Variants in MRPL1 observed in about 807,000 individuals in gnomAD.
MRPL1 encodes the protein large ribosomal subunit protein uL1m.
MRPL1 carries 28 observed loss-of-function variants against 38.0 expected under a neutral mutation model. The observed-to-expected ratio is 0.74, with a 90% CI of 0.55 to 1.01. MRPL1 has a LOEUF of 1.01. MRPL1 is among the 50% of genes least tolerant of loss of function. The pLI, the probability that MRPL1 is intolerant of heterozygous loss-of-function variation, is 0.00. For missense variants in MRPL1, 358 were observed against 389.8 expected (o/e 0.92, Z 0.69); for synonymous variants, 123 against 126.7 (o/e 0.97, Z 0.20).
Position 77,888,535 on chromosome 4 carries a change from AC to A in MRPL1, c.558+1245del, listed in dbSNP as rs1478836714. On this transcript the variant is annotated intron_variant, in intron 5 of 8. Coordinates refer to ENST00000315567, the MANE Select transcript of MRPL1 (RefSeq NM_020236.4). ...ATAAATAAATAAAATAAATAAACAA[AC>A]AAATAAATAAGAAAATAACAGAGCT... Among the ~76,000 whole-genome samples the A allele has an allele frequency of 1.6e-4, 24 of 152,188 alleles. No individual in the cohort carries two copies. The Middle Eastern group carries it at 0.01, about 65-fold the overall frequency.
chr4:77,950,747 G>A (rs1737389784), intron 8 of MRPL1, among the ~76,000 whole-genome samples: 1 of 152,170 alleles, frequency 6.6e-6, no homozygotes, highest in Non-Finnish European at 1.5e-5. Context: ...TTCAGTACAG[G>A]ATCCTCTTGA....
intron 2 of MRPL1, among the ~76,000 whole-genome samples, chr4:77,882,293 CTA>C (rs771346332): frequency 3.3e-5 from 5 of 152,160 alleles, no homozygotes; most frequent in African/African-American, 7.2e-5. Context: ...CTGGCTAACT[CTA>C]TTATTTTTTA....
chr4:77,950,836 CT>C, intron 8 of MRPL1, among the ~76,000 whole-genome samples: 1 of 152,098 alleles, frequency 6.6e-6, no homozygotes, highest in South Asian at 2.1e-4. Flanking sequence ...TATGAAGCCC[CT>C]TAGCATGTTT....
chr4:77,944,593 T>C (rs146163258), intron 7 of MRPL1, among the ~76,000 whole-genome samples: 2 of 152,362 alleles, frequency 1.3e-5, no homozygotes, highest in African/African-American at 4.8e-5. Context: ...TTCGTCTTCC[T>C]GTTCCTGGTT....
At chr4:77,880,126 C>T (rs1173622257) in intron 2 of MRPL1, among the ~76,000 whole-genome samples, 1 of 152,194 alleles carries the variant, frequency 6.6e-6, no homozygotes, top group Non-Finnish European at 1.5e-5. Context: ...AACTTTGAGG[C>T]TTAAAACTAT....
intron 7 of MRPL1, among the ~76,000 whole-genome samples, chr4:77,940,842 C>T (rs548706384): frequency 6.6e-6 from 1 of 152,212 alleles, no homozygotes; most frequent in East Asian, 1.9e-4. Context: ...TGTGGTGTAT[C>T]ACATTTATTA....
At position 77,929,812 on chromosome 4, in the gene MRPL1, T is replaced by C. The variant is rs373262626; in HGVS notation, c.778-19985T>C. 2.0e-4 allele frequency among the ~76,000 whole-genome samples: 30 copies of C among 151,940 alleles called. 3 individuals carry two copies. The highest frequency in any genetic ancestry group is 1.5e-3 in the East Asian group (8 of 5,176). On this transcript the variant is annotated intron_variant, in intron 7 of 8. Transcript: ENST00000315567. ...AATAATATGGAACAGAAAGCATAAGTTGCCCTTAAAGTCTAAAATGTTTAC... is the reference window on the plus strand; with the variant it reads ...AATAATATGGAACAGAAAGCATAAGCTGCCCTTAAAGTCTAAAATGTTTAC...
chr4:77,871,007 T>C (rs1553903888), intron 1 of MRPL1, among the ~76,000 whole-genome samples: 1 of 152,104 alleles, frequency 6.6e-6, no homozygotes, highest in Non-Finnish European at 1.5e-5. Flanking sequence ...AACAAATAAA[T>C]TAAGAAATTT....
In MRPL1 at chr4:77,890,850, G is replaced by A. The variant is rs117250037; in HGVS notation, c.559-3289G>A. 5.0e-4 allele frequency among the ~76,000 whole-genome samples: 76 copies of A among 152,272 alleles called. 2 individuals carry two copies. In the East Asian group the frequency reaches 0.01, roughly 21 times the overall value. On this transcript the variant is annotated intron_variant, in intron 5 of 8. Coordinates refer to ENST00000315567, the MANE Select transcript of MRPL1 (RefSeq NM_020236.4). ...TTCTATATGTTATGGAATTTTTGCCGGGGAGGAGAAAGTAGACAGGAAATA... is the reference window on the plus strand; with the variant it reads ...TTCTATATGTTATGGAATTTTTGCCAGGGAGGAGAAAGTAGACAGGAAATA...
In MRPL1 at chr4:77,894,171, C is replaced by T. The variant is rs144344573; in HGVS notation, c.591C>T (p.Tyr197=). ...ATGATGAAATTGTTGCAGACTTTTA[C>T]GTAGCTGTTCCAGAAATAATGCCTG... The part of the protein sequence containing the change: ...IWDDEIVADF[Y]VAVPEIMPEL... The change falls in exon 6 of 9, where the codon TAC becomes TAT. Residue 197 remains tyrosine (Y), a synonymous_variant. Transcript: ENST00000315567. 1.3e-4 allele frequency: 214 copies of T among 1,602,976 alleles called. 3 individuals carry two copies. The African/African-American group carries it at 2.1e-3, about 15-fold the overall frequency.
rs192023773 is a variant in MRPL1, at chr4:77,924,984, T to C, written c.777+15612T>C. The stretch of plus-strand genomic sequence containing the variant: ...CTTTTTTATTTCAAAAAATTTCAAA[T>C]GAGTAGAAAAGTTGAAAGAACAGTA... On this transcript the variant is annotated intron_variant, in intron 7 of 8. Transcript: ENST00000315567. 3.0e-3 allele frequency among the ~76,000 whole-genome samples: 463 copies of C among 152,264 alleles called. 8 individuals carry two copies. The highest frequency in any genetic ancestry group is 0.027 in the South Asian group (129 of 4,828).
At chr4:77,868,365 G>A (rs1735202773) in intron 1 of MRPL1, among the ~76,000 whole-genome samples, 1 of 152,066 alleles carries the variant, frequency 6.6e-6, no homozygotes, top group East Asian at 1.9e-4. Context: ...TCAGCCTCCC[G>A]AGTAGCTGGG....
chr4:77,909,683 T>G (rs1736243095), intron 7 of MRPL1, among the ~76,000 whole-genome samples: 1 of 152,142 alleles, frequency 6.6e-6, no homozygotes, highest in Non-Finnish European at 1.5e-5. Flanking sequence ...GAGAATAGGG[T>G]TTAGATTTTG....
intron 7 of MRPL1, among the ~76,000 whole-genome samples, chr4:77,919,570 G>T (rs1736515408): frequency 6.6e-6 from 1 of 151,978 alleles, no homozygotes; most frequent in African/African-American, 2.4e-5. Context: ...GCTGAGAGTG[G>T]TAATCAAAGA....
chr4:77,881,302 C>T (rs1735534658), intron 2 of MRPL1, among the ~76,000 whole-genome samples: 1 of 152,110 alleles, frequency 6.6e-6, no homozygotes, highest in African/African-American at 2.4e-5. Flanking sequence ...TCTGTGACTG[C>T]CTCCCTCACC....
At chr4:77,935,336 T>A (rs956756397) in intron 7 of MRPL1, among the ~76,000 whole-genome samples, 2 of 152,216 alleles carry the variant, frequency 1.3e-5, no homozygotes, top group Non-Finnish European at 2.9e-5. Context: ...TGTTAGGAGC[T>A]GTAGTGGTGG....
At chr4:77,945,924 A>C (rs1737252296) in intron 7 of MRPL1, among the ~76,000 whole-genome samples, 1 of 152,198 alleles carries the variant, frequency 6.6e-6, no homozygotes, top group South Asian at 2.1e-4. Context: ...AACTCCTGAT[A>C]AGGGTCCATG....
intron 4 of MRPL1, among the ~76,000 whole-genome samples, chr4:77,885,843 G>A (rs1735665425): frequency 2.0e-5 from 3 of 152,150 alleles, no homozygotes; most frequent in African/African-American, 7.2e-5. Flanking sequence ...TTGAGAAAGA[G>A]CTAAATTAGA....
chr4:77,869,375 A>T (rs1735225458), intron 1 of MRPL1, among the ~76,000 whole-genome samples: 1 of 152,180 alleles, frequency 6.6e-6, no homozygotes, highest in Admixed American at 6.5e-5. Context: ...AGGGGAAGAG[A>T]AATGTATTAA....
Sources: gnomAD v4.1 joint callset for allele counts (sites outside exome capture counted in the v4.1 genomes callset) on GRCh38, gnomAD v4.1.1 for gene constraint, MANE v1.5 for transcripts, NCBI Gene and HGNC (gene_info 2026-07-23, HGNC 2026-07-21) for gene names.